Variants in RP1L1 observed in about 807,000 individuals in gnomAD.
RP1L1 encodes RP1 like 1.
A neutral mutation model predicts 15.7 loss-of-function variants in RP1L1; 27 were observed. That is an observed-to-expected ratio of 1.72 (90% confidence interval 1.27 to 2.38). The LOEUF is 2.38. Among genes scored for constraint, RP1L1 ranks in the 30% most tolerant of loss-of-function variants. The pLI is 0.00. For missense variants in RP1L1, 4,798 were observed against 3,075.9 expected (o/e 1.56, Z -13.24); for synonymous variants, 1,813 against 1,276.7 (o/e 1.42, Z -8.96).
chr8:10,622,748 G>A lies in RP1L1; in HGVS notation c.454C>T (p.Arg152Trp), dbSNP rs749896033. The A allele has an allele frequency of 1.4e-5, 23 of 1,613,908 alleles. No homozygotes were observed. The highest frequency in any genetic ancestry group is 3.3e-5 in the Admixed American group (2 of 59,988). Reference protein sequence around the residue: ...SSSRKSLKTPRRILLIKNMDP... With the variant: ...SSSRKSLKTPWRILLIKNMDP... ...ATGTTCTTAATCAGCAGTATCCTCC[G>A]GGGGGTTTTAAGACTCTTCCGGGAG... Residue 152 changes from arginine to tryptophan, a missense_variant, in exon 2 of 4, where the codon CGG (arginine) becomes TGG (tryptophan). Arg to Trp is a moderately radical substitution (Grantham distance 101, BLOSUM62 -3). Transcript: ENST00000382483.
In RP1L1 at chr8:10,608,602, G is replaced by A. The variant is rs369137346; in HGVS notation, c.5496C>T (p.Ala1832=). The A allele has an allele frequency of 9.5e-5, 154 of 1,613,918 alleles. No homozygotes were observed. Among genetic ancestry groups the A allele is most frequent in the African/African-American group, 6.8e-4 (51 of 74,948 alleles). The change falls in exon 4 of 4, where the codon GCC becomes GCT. Residue 1832 remains alanine, a synonymous_variant. Transcript: ENST00000382483. ...CAGCCTCCGGGGCCTCTATGCCTTC[G>A]GCCCCATCACTCTGTCCTGGATCTT... ...GDQDPGQSDG[A]EGIEAPEAEG...
At chr8:10,627,041 T>C (rs980470691) in intron 1 of RP1L1, among the ~76,000 whole-genome samples, 1 of 152,098 alleles carries the variant, frequency 6.6e-6, no homozygotes, top group African/African-American at 2.4e-5. Context: ...GGTGGGAAGG[T>C]CAAATGATGT....
In RP1L1 at chr8:10,609,549, T is replaced by TG; in HGVS notation, c.4548dup (p.Ile1517HisfsTer24). 1 of 1,605,122 alleles carries TG rather than the reference T, an allele frequency of 6.2e-7. No homozygotes were observed. Among genetic ancestry groups the TG allele is most frequent in the Non-Finnish European group, 8.5e-7 (1 of 1,177,302 alleles). On this transcript the variant is annotated frameshift_variant, in exon 4 of 4. Transcript: ENST00000382483. LOFTEE classifies it low-confidence loss of function (END_TRUNC). The stretch of plus-strand genomic sequence containing the variant: ...TTCTTCAGTAACACGGACACCCAGA[T>TG]GGGGTCGCAGTCCAGAGCCGCGCTG...
chr8:10,652,625 AT>A (rs1235403753), intron 1 of RP1L1, among the ~76,000 whole-genome samples: 2 of 152,002 alleles, frequency 1.3e-5, no homozygotes, highest in Non-Finnish European at 2.9e-5. Flanking sequence ...TCCAAATTCA[AT>A]GCTTTTGGCT....
chr8:10,627,435 A>G (rs982469780), intron 1 of RP1L1, among the ~76,000 whole-genome samples: 2 of 152,120 alleles, frequency 1.3e-5, no homozygotes, highest in African/African-American at 4.8e-5. Flanking sequence ...AAAGCAGTCA[A>G]TTTTATAGAG....
intron 1 of RP1L1, among the ~76,000 whole-genome samples, chr8:10,625,455 G>C (rs1798141796): frequency 6.8e-6 from 1 of 147,686 alleles, no homozygotes; most frequent in Non-Finnish European, 1.5e-5. Context: ...GTGGGGTGTG[G>C]TCCCTGCTCT....
At chr8:10,635,862 A>C (rs1798321144) in intron 1 of RP1L1, among the ~76,000 whole-genome samples, 1 of 152,246 alleles carries the variant, frequency 6.6e-6, no homozygotes, top group South Asian at 2.1e-4. Flanking sequence ...GAAGGCCACC[A>C]GGTGGGATGC....
In RP1L1 at chr8:10,613,007, G is replaced by T; in HGVS notation, c.1091C>A (p.Pro364His). 3 of 1,613,426 alleles carry T rather than the reference G, an allele frequency of 1.9e-6. 1 individual carries two copies. The highest frequency in any genetic ancestry group is 2.2e-5 in the South Asian group (2 of 91,080). The change falls in exon 4 of 4, where the codon CCC becomes CAC. Residue 364 changes from proline to histidine, a missense_variant. Pro to His is a moderately conservative substitution (Grantham distance 77). Coordinates refer to ENST00000382483, the MANE Select transcript of RP1L1 (RefSeq NM_178857.6). ...GTAGCCCTCCCACACACAGCAGAGG[G>T]GGTCTACCTCCCCCAGAACGGGGTC... ...GEDPVLGEVD[P>H]LCCVWEGYPW...
chr8:10,630,083 G>A (rs1798218300), intron 1 of RP1L1, among the ~76,000 whole-genome samples: 1 of 152,200 alleles, frequency 6.6e-6, no homozygotes, highest in Non-Finnish European at 1.5e-5. Flanking sequence ...CAGTCATGAG[G>A]GCGTAGTCAA....
rs536817048 is a variant in RP1L1 at position 10,622,873 on chromosome 8, G to C, written c.329C>G (p.Pro110Arg). Reference sequence around the variant, plus strand: ...CCGGCCTGGTCCACTGGGGGTCTTGGGGGGCTTCTTATCAGAGCAGAGGTA... The same window carrying C: ...CCGGCCTGGTCCACTGGGGGTCTTGCGGGGCTTCTTATCAGAGCAGAGGTA... The part of the protein sequence containing the change: ...GCYLCSDKKP[P>R]KTPSGPGRPQ... The change falls in exon 2 of 4, where the codon CCC becomes CGC. Residue 110 changes from proline (P) to arginine (R), a missense_variant. Transcript: ENST00000382483. 1.5e-5 allele frequency: 24 copies of C among 1,613,240 alleles called. No individual in the cohort carries two copies. The highest frequency in any genetic ancestry group is 2.7e-5 in the African/African-American group (2 of 74,878).
chr8:10,609,460 G>A lies in RP1L1; in HGVS notation c.4638C>T (p.Gly1546=), dbSNP rs992910435. ...SAVAELRARW[G]LQDNDLLDQM... Reference sequence around the variant, plus strand: ...GGTCCAGCAGATCATTGTCCTGCAGGCCCCAGCGTGCTCGGAGCTCAGCCA... The same window carrying A: ...GGTCCAGCAGATCATTGTCCTGCAGACCCCAGCGTGCTCGGAGCTCAGCCA... Residue 1546 remains glycine (G), a synonymous_variant, in exon 4 of 4, where the codon GGC becomes GGT. Transcript: ENST00000382483. 6.2e-7 allele frequency: 1 copy of A among 1,612,284 alleles called. No homozygotes were observed. Among genetic ancestry groups the A allele is most frequent in the Non-Finnish European group, 8.5e-7 (1 of 1,179,962 alleles).
At position 10,622,866 on chromosome 8, in the gene RP1L1, G is replaced by T. The variant is rs375164556; in HGVS notation, c.336C>A (p.Thr112=). The T allele has an allele frequency of 1.2e-6, 2 of 1,613,114 alleles. No individual in the cohort carries two copies. The highest frequency in any genetic ancestry group is 4.5e-5 in the East Asian group (2 of 44,832). ...YLCSDKKPPK[T]PSGPGRPQER... ...CCTGTGGCCGGCCTGGTCCACTGGG[G>T]GTCTTGGGGGGCTTCTTATCAGAGC... Residue 112 remains threonine (T), a synonymous_variant, in exon 2 of 4, where the codon ACC becomes ACA. Coordinates refer to ENST00000382483, the MANE Select transcript of RP1L1 (RefSeq NM_178857.6).
At chr8:10,641,850 C>T (rs1798412064) in intron 1 of RP1L1, among the ~76,000 whole-genome samples, 1 of 152,196 alleles carries the variant, frequency 6.6e-6, no homozygotes, top group Admixed American at 6.5e-5. Context: ...TATTGGTACA[C>T]ACAAAAAATT....
rs139937766 is a variant in RP1L1 at position 10,613,013 on chromosome 8, A to G, written c.1085T>C (p.Val362Ala). 6.2e-7 allele frequency: 1 copy of G among 1,613,114 alleles called. No homozygotes were observed. Among genetic ancestry groups the G allele is most frequent in the Non-Finnish European group, 8.5e-7 (1 of 1,179,926 alleles). Residue 362 changes from valine to alanine, a missense_variant, in exon 4 of 4, where the codon GTA (valine) becomes GCA (alanine). Val to Ala is a moderately conservative substitution (Grantham distance 64). Transcript: ENST00000382483. ...CTCCCACACACAGCAGAGGGGGTCT[A>G]CCTCCCCCAGAACGGGGTCTTCCCC... ...ASGEDPVLGE[V>A]DPLCCVWEGY...
Position 10,612,375 on chromosome 8 carries a change from C to G in RP1L1, c.1723G>C (p.Ala575Pro). 6.2e-7 allele frequency: 1 copy of G among 1,612,908 alleles called. No individual in the cohort carries two copies. The highest frequency in any genetic ancestry group is 1.1e-5 in the South Asian group (1 of 91,088). ...QQEASEGGDPASPALSLSSLR... is the reference protein window; with the variant it reads ...QQEASEGGDPPSPALSLSSLR... ...GATGAAAGACTCAGGGCTGGAGAAG[C>G]GGGGTCGCCTCCCTCGCTGGCCTCC... The change falls in exon 4 of 4, where the codon GCT becomes CCT. Residue 575 changes from alanine to proline, a missense_variant. By Grantham distance (27) the Ala-to-Pro change is conservative. Coordinates refer to ENST00000382483, the MANE Select transcript of RP1L1 (RefSeq NM_178857.6).
In RP1L1 at chr8:10,611,440, C is replaced by A; in HGVS notation, c.2658G>T (p.Gly886=). 1.3e-6 allele frequency: 2 copies of A among 1,573,364 alleles called. No homozygotes were observed. Among genetic ancestry groups the A allele is most frequent in the Non-Finnish European group, 1.7e-6 (2 of 1,161,874 alleles). Residue 886 remains glycine (G), a synonymous_variant, in exon 4 of 4, where the codon GGG becomes GGT. Coordinates refer to ENST00000382483, the MANE Select transcript of RP1L1 (RefSeq NM_178857.6). ...SHQSTARGPG[G]SPQEGTRQPG... ...GCTGGCGTGTCCCCTCCTGCGGGCT[C>A]CCACCTGGCCCCCGGGCAGTGCTTT...
chr8:10,614,339 G>A (rs1330098933), intron 3 of RP1L1, among the ~76,000 whole-genome samples: 1 of 152,202 alleles, frequency 6.6e-6, no homozygotes, highest in East Asian at 1.9e-4. Context: ...AGAAGAAAGG[G>A]CTGCTAAGGA....
At chr8:10,645,084 T>TG (rs979726993) in intron 1 of RP1L1, among the ~76,000 whole-genome samples, 26 of 152,266 alleles carry the variant, frequency 1.7e-4, no homozygotes, top group African/African-American at 5.8e-4. Context: ...TTCAGAACTT[T>TG]GGGGGGCTAA....
intron 1 of RP1L1, among the ~76,000 whole-genome samples, chr8:10,644,731 A>C (rs1798452109): frequency 6.6e-6 from 1 of 152,214 alleles, no homozygotes; most frequent in South Asian, 2.1e-4. Flanking sequence ...CACAGCTCTC[A>C]CACCAGCCAC....
Sources: allele counts gnomAD v4.1 joint callset (sites outside exome capture counted in the v4.1 genomes callset), GRCh38; gene constraint gnomAD v4.1.1; transcripts MANE v1.5; gene names NCBI Gene and HGNC (gene_info 2026-07-23, HGNC 2026-07-21).